LRBA: variants seen among roughly 807,000 people sequenced by gnomAD.
LRBA encodes LPS responsive beige-like anchor protein.
LRBA carries 176 observed loss-of-function variants against 330.0 expected under a neutral mutation model. The ratio of observed to expected loss-of-function variants is 0.53; its 90% CI spans 0.47 to 0.60. The LOEUF is 0.60. Ranked by LOEUF, LRBA falls within the 20% of genes least tolerant of loss-of-function variation. The pLI, the probability that LRBA is intolerant of heterozygous loss-of-function variation, is 0.00. For synonymous variants in LRBA, 1,230 were observed against 1,193.0 expected (o/e 1.03, Z -0.64); for missense variants, 3,259 against 3,444.8 (o/e 0.95, Z 1.35).
chr4:150,851,993 T>C lies in LRBA; in HGVS notation c.3717A>G (p.Gln1239=), dbSNP rs777644925. Reference sequence around the variant, plus strand: ...TGGAAACATCCAACTTCGCAATCTTTTGCTCAGAAGAAGCCTCAGAGACAC... The same window carrying C: ...TGGAAACATCCAACTTCGCAATCTTCTGCTCAGAAGAAGCCTCAGAGACAC... ...HGSVSEASSE[Q]KIAKLDVSNV... The change falls in exon 23 of 57, where the codon CAA becomes CAG. Residue 1239 remains glutamine, a synonymous_variant. Coordinates refer to ENST00000651943, the MANE Select transcript of LRBA (RefSeq NM_001364905.1). 7.4e-6 allele frequency: 12 copies of C among 1,614,008 alleles called. No homozygotes were observed. Among genetic ancestry groups the C allele is most frequent in the Non-Finnish European group, 1.0e-5 (12 of 1,180,006 alleles).
At chr4:150,425,655 T>C (rs1314081391) in intron 46 of LRBA, among the ~76,000 whole-genome samples, 2 of 152,174 alleles carry the variant, frequency 1.3e-5, no homozygotes, top group Admixed American at 6.5e-5. Context: ...ATTCTCCTTT[T>C]AATAGTCACC....
intron 29 of LRBA, among the ~76,000 whole-genome samples, chr4:150,831,195 ACTTT>A (rs1161448273): frequency 1.4e-5 from 2 of 147,764 alleles, no homozygotes; most frequent in Non-Finnish European, 3.0e-5. Context: ...CATCTTTATT[ACTTT>A]CTTTTTTTTT....
At chr4:150,944,948 C>T (rs1415847988) in intron 2 of LRBA, among the ~76,000 whole-genome samples, 1 of 152,220 alleles carries the variant, frequency 6.6e-6, no homozygotes, top group Non-Finnish European at 1.5e-5. Flanking sequence ...GCTCTCTTGC[C>T]TGCCGCATAT....
At chr4:150,437,454 T>G (rs893303252) in intron 44 of LRBA, among the ~76,000 whole-genome samples, 3 of 150,460 alleles carry the variant, frequency 2.0e-5, no homozygotes, top group Non-Finnish European at 4.4e-5. Flanking sequence ...TATATATGTA[T>G]ATACTTTAAC....
intron 2 of LRBA, among the ~76,000 whole-genome samples, chr4:150,942,060 AAC>A (rs1735729551): frequency 1.3e-5 from 2 of 152,312 alleles, no homozygotes; most frequent in African/African-American, 4.8e-5. Context: ...TGTCACTAGA[AAC>A]AAATATAAAT....
intron 48 of LRBA, among the ~76,000 whole-genome samples, chr4:150,339,831 G>A (rs1041840562): frequency 3.4e-5 from 5 of 147,178 alleles, no homozygotes; most frequent in Non-Finnish European, 6.0e-5. Context: ...GGAAATTTAC[G>A]TTGCTCCTTT....
At chr4:150,407,469 CA>C (rs201661724) in intron 47 of LRBA, among the ~76,000 whole-genome samples, 1 of 151,248 alleles carries the variant, frequency 6.6e-6, no homozygotes, top group Non-Finnish European at 1.5e-5. Context: ...AAAACAAAAA[CA>C]AAAAAAACAA....
intron 40 of LRBA, among the ~76,000 whole-genome samples, chr4:150,586,357 C>A (rs2126424715): frequency 6.6e-6 from 1 of 152,186 alleles, no homozygotes; most frequent in Middle Eastern, 3.4e-3. Context: ...AAAATATCCC[C>A]AATTCAGCAT....
intron 22 of LRBA, among the ~76,000 whole-genome samples, chr4:150,860,734 A>G (rs1751806658): frequency 6.6e-6 from 1 of 152,110 alleles, no homozygotes; most frequent in South Asian, 2.1e-4. Context: ...AGGCTGAGGC[A>G]GAAGAATGGC....
chr4:150,825,994 A>G (rs1297469151), intron 30 of LRBA, among the ~76,000 whole-genome samples: 1 of 152,156 alleles, frequency 6.6e-6, no homozygotes, highest in Admixed American at 6.5e-5. Flanking sequence ...AAAAAAACAA[A>G]ACAAAAAAAA....
intron 40 of LRBA, chr4:150,582,053 G>A (rs1341249557): frequency 2.0e-5 from 3 of 150,852 alleles, no homozygotes; most frequent in Non-Finnish European, 4.4e-5. Flanking sequence ...AAAGAGGTCG[G>A]AGGGGAGAGG....
At chr4:150,500,053 A>G (rs1760059635) in intron 40 of LRBA, among the ~76,000 whole-genome samples, 1 of 152,140 alleles carries the variant, frequency 6.6e-6, no homozygotes, top group Admixed American at 6.5e-5. Flanking sequence ...ACCACTGTAG[A>G]ATGACTCCAG....
chr4:150,348,078 T>C (rs571369295), intron 48 of LRBA, among the ~76,000 whole-genome samples: 37 of 152,206 alleles, frequency 2.4e-4, no homozygotes, highest in African/African-American at 8.7e-4. Flanking sequence ...ACAGTGCAGA[T>C]AGAGAACATT....
intron 44 of LRBA, among the ~76,000 whole-genome samples, chr4:150,441,203 GA>G (rs1329334283): frequency 6.6e-6 from 1 of 151,886 alleles, no homozygotes; most frequent in East Asian, 1.9e-4. Flanking sequence ...AAATTAATGG[GA>G]TCTATTAGGA....
chr4:150,983,858 G>C (rs755396845), intron 2 of LRBA, among the ~76,000 whole-genome samples: 1 of 151,712 alleles, frequency 6.6e-6, no homozygotes, highest in Non-Finnish European at 1.5e-5. Flanking sequence ...ACATGTAAAA[G>C]AAGAGTTGTA....
At chr4:150,879,944 C>T (rs1296150589) in intron 17 of LRBA, among the ~76,000 whole-genome samples, 1 of 152,004 alleles carries the variant, frequency 6.6e-6, no homozygotes, top group African/African-American at 2.4e-5. Flanking sequence ...CAAAGCAATC[C>T]TAAACAAAAA....
chr4:150,288,015 G>A (rs946050896), intron 53 of LRBA, among the ~76,000 whole-genome samples: 5 of 148,354 alleles, frequency 3.4e-5, no homozygotes, highest in African/African-American at 9.9e-5. Flanking sequence ...TTTCTGAGAC[G>A]GAGTCTCACT....
intron 2 of LRBA, among the ~76,000 whole-genome samples, chr4:150,994,730 G>A (rs1161303760): frequency 1.3e-5 from 2 of 152,198 alleles, no homozygotes; most frequent in African/African-American, 4.8e-5. Context: ...ACAGAGAACT[G>A]GGGGAAGAAA....
In LRBA at chr4:150,669,471, C is replaced by T. The variant is rs188770230; in HGVS notation, c.5921+14080G>A. Among the ~76,000 whole-genome samples, 47 of 152,260 alleles carry T rather than the reference C, an allele frequency of 3.1e-4. No homozygotes were observed. In the East Asian group the frequency reaches 7.9e-3, roughly 26 times the overall value. On this transcript the variant is annotated intron_variant, in intron 37 of 56. Coordinates refer to ENST00000651943, the MANE Select transcript of LRBA (RefSeq NM_001364905.1). ...CTTCTTAGTCTCTTCAAATCTGGAA[C>T]AATTCCTCCATTTCTCCTTGTTTTT...
Sources: allele counts gnomAD v4.1 joint callset (sites outside exome capture counted in the v4.1 genomes callset), GRCh38; gene constraint gnomAD v4.1.1; transcripts MANE v1.5; gene names NCBI Gene and HGNC (gene_info 2026-07-23, HGNC 2026-07-21).